IL31RA: variants seen among roughly 807,000 people sequenced by gnomAD.
The protein encoded by IL31RA is interleukin 31 receptor A.
Under a neutral mutation model 83.7 loss-of-function variants are expected in IL31RA, and 66 were observed. The observed-to-expected ratio is 0.79, with a 90% CI of 0.65 to 0.97. The LOEUF is 0.97. IL31RA is among the 50% of genes least tolerant of loss of function. The pLI is 0.00. For missense variants in IL31RA, 798 were observed against 919.4 expected (o/e 0.87, Z 1.71); for synonymous variants, 325 against 329.0 (o/e 0.99, Z 0.13).
chr5:55,877,346 T>C (rs6874621), intron 4 of IL31RA, among the ~76,000 whole-genome samples: 1,727 of 152,340 alleles, frequency 0.011, 34 homozygotes, highest in African/African-American at 0.04. Context: ...CATTAGTCTT[T>C]TAAATTCTTT....
At chr5:55,842,249 G>A in the IL31RA span, among the ~76,000 whole-genome samples, 120 of 152,126 alleles carry the variant, frequency 7.9e-4, no homozygotes, top group African/African-American at 2.7e-3. Context: ...TTAGATTAAG[G>A]GCCACCCTAA....
In IL31RA at chr5:55,899,969, C is replaced by T. The variant is rs748935257; in HGVS notation, c.906C>T (p.Tyr302=). 3 of 1,614,072 alleles carry T rather than the reference C, an allele frequency of 1.9e-6. No individual in the cohort carries two copies. The highest frequency in any genetic ancestry group is 1.7e-5 in the Admixed American group (1 of 60,010). The change falls in exon 8 of 15, where the codon TAC becomes TAT. Residue 302 remains tyrosine (Y), a synonymous_variant. Coordinates refer to ENST00000652347, the MANE Select transcript of IL31RA (RefSeq NM_139017.7). ...LEKTLGYNIW[Y]YPESNTNLTE... is the part of the protein sequence containing the mutation. ...AAACACTTGGCTACAACATATGGTA[C>T]TATCCAGAAAGCAACACTAACCTCA...
Position 55,883,112 on chromosome 5 carries a change from G to T in IL31RA, c.523G>T (p.Glu175Ter). The T allele has an allele frequency of 1.9e-6, 3 of 1,614,014 alleles. No individual in the cohort carries two copies. The highest frequency in any genetic ancestry group is 2.5e-6 in the Non-Finnish European group (3 of 1,179,904). ...GGGCATCAAACGAATGATTCAAATT[G>T]AATGGATAAAGCCTGAGTTGGCGCC... ...VLGIKRMIQI[E>*]WIKPELAPVS... Residue 175 changes from glutamate (E) to a stop codon, truncating the protein, a stop_gained, in exon 5 of 15, where the codon GAA (glutamate) becomes TAA (stop). Transcript: ENST00000652347. LOFTEE classifies it high-confidence loss of function.
At chr5:55,842,549 A>T in the IL31RA span, among the ~76,000 whole-genome samples, 1 of 152,226 alleles carries the variant, frequency 6.6e-6, no homozygotes, top group Non-Finnish European at 1.5e-5. Context: ...TTCTGCTGAA[A>T]TGTCCCTTTC....
At chr5:55,899,650 G>C (rs930780129) in intron 7 of IL31RA, among the ~76,000 whole-genome samples, 1 of 152,170 alleles carries the variant, frequency 6.6e-6, no homozygotes, top group African/African-American at 2.4e-5. Context: ...AAGGAAATAA[G>C]GGTGGCTTGT....
At chr5:55,854,080 A>C (rs940291969) in intron 1 of IL31RA, among the ~76,000 whole-genome samples, 1 of 152,242 alleles carries the variant, frequency 6.6e-6, no homozygotes, top group African/African-American at 2.4e-5. Flanking sequence ...ACTAGAGATG[A>C]GTAATACAAA....
chr5:55,841,579 C>T, the IL31RA span, among the ~76,000 whole-genome samples: 1 of 152,200 alleles, frequency 6.6e-6, no homozygotes, highest in Admixed American at 6.5e-5. Flanking sequence ...ACCCTTGCTT[C>T]TCTCTTTGCT....
In IL31RA at chr5:55,916,785, G is replaced by C. The variant is rs761958845; in HGVS notation, c.1960G>C (p.Asp654His). ...FGNVLQEIFT[D>H]EARTGQENNL... ...GAATGTTCTGCAAGAAATTTTCACA[G>C]ATGAAGCCAGAACGGGTCAGGAAAA... The change falls in exon 15 of 15, where the codon GAT becomes CAT. Residue 654 changes from aspartate (D) to histidine (H), a missense_variant. By Grantham distance (81) the Asp-to-His change is moderately conservative (BLOSUM62 -1). Coordinates refer to ENST00000652347, the MANE Select transcript of IL31RA (RefSeq NM_139017.7). 1 of 1,614,228 alleles carries C rather than the reference G, an allele frequency of 6.2e-7. No individual in the cohort carries two copies. The highest frequency in any genetic ancestry group is 8.5e-7 in the Non-Finnish European group (1 of 1,180,050).
intron 5 of IL31RA, among the ~76,000 whole-genome samples, chr5:55,886,388 C>G (rs774849237): frequency 1.3e-5 from 2 of 150,824 alleles, no homozygotes; most frequent in Non-Finnish European, 2.9e-5. Flanking sequence ...ATTCTCCTGC[C>G]TCAGCCTCCC....
At position 55,863,817 on chromosome 5, in the gene IL31RA, G is replaced by A. The variant is rs1276094; in HGVS notation, c.154+4218G>A. 8.4e-3 allele frequency among the ~76,000 whole-genome samples: 1,280 copies of A among 152,238 alleles called. 17 individuals carry two copies. Among genetic ancestry groups the A allele is most frequent in the African/African-American group, 0.029 (1,209 of 41,526 alleles). On this transcript the variant is annotated intron_variant, in intron 2 of 14. Transcript: ENST00000652347. ...TCATTGACACCTGGTGACACTTAAC[G>A]GTTCTGAAAAACAGATATTTAACTC...
In IL31RA at chr5:55,896,339, G is replaced by C. The variant is rs763882952; in HGVS notation, c.773-11G>C. 1 of 1,603,538 alleles carries C rather than the reference G, an allele frequency of 6.2e-7. No individual in the cohort carries two copies. Among genetic ancestry groups the C allele is most frequent in the Non-Finnish European group, 8.5e-7 (1 of 1,170,554 alleles). On this transcript the variant is annotated splice_polypyrimidine_tract_variant and intron_variant, in intron 6 of 14. Transcript: ENST00000652347. Reference sequence around the variant, plus strand: ...TCTCTGGGTTGAGTACCTCATTCTTGTTCCTTACAGCTCCATGTGGCCTGG... The same window carrying C: ...TCTCTGGGTTGAGTACCTCATTCTTCTTCCTTACAGCTCCATGTGGCCTGG...
rs1745078562 is a variant in IL31RA, at chr5:55,851,642, T to G, written c.63+9T>G. 6.2e-7 allele frequency: 1 copy of G among 1,613,850 alleles called. No homozygotes were observed. The highest frequency in any genetic ancestry group is 8.5e-7 in the Non-Finnish European group (1 of 1,179,826). ...AATGTCCGCAAAACATTGTGAGTAT[T>G]GATTTGGGGGGTTACAAATAATTCC... On this transcript the variant is annotated intron_variant, in intron 1 of 14. Transcript: ENST00000652347.
intron 6 of IL31RA, 74 bp from the exon 7 acceptor site, chr5:55,896,276 C>A: frequency 9.9e-7 from 1 of 1,010,266 alleles, no homozygotes; most frequent in Non-Finnish European, 1.6e-6. Flanking sequence ...TTCCCAACTG[C>A]CCAGCTAACC....
rs1031863943 is a variant in IL31RA at position 55,880,882 on chromosome 5, G to A, written c.455-2162G>A. Among the ~76,000 whole-genome samples, 3 of 152,208 alleles carry A rather than the reference G, an allele frequency of 2.0e-5. No homozygotes were observed. The South Asian group carries it at 6.2e-4, about 32-fold the overall frequency. On this transcript the variant is annotated intron_variant, in intron 4 of 14. Transcript: ENST00000652347. ...GCGGTGGAAGTTATCTGAGTTACCA[G>A]CAGCAAATCCGTATGGGTCTGCAGC...
chr5:55,907,601 T>A (rs914347266), intron 10 of IL31RA, 141 bp downstream of exon 10: 2 of 696,192 alleles, frequency 2.9e-6, no homozygotes, highest in African/African-American at 3.5e-5. Context: ...CTCTGTATGT[T>A]ATGAATTTGC....
chr5:55,908,734 T>A (rs1749321575), intron 11 of IL31RA: 3 of 1,448,118 alleles, frequency 2.1e-6, no homozygotes, highest in Non-Finnish European at 2.7e-6. Context: ...CGTGCCTGGC[T>A]TAAAGAGTGA....
At chr5:55,910,405 T>G (rs964991389) in intron 11 of IL31RA, 127 bp from the exon 12 acceptor site, 18 of 961,112 alleles carry the variant, frequency 1.9e-5, no homozygotes, top group Non-Finnish European at 2.8e-5. Flanking sequence ...AGGACATGAA[T>G]AGGGGTCAGA....
rs1034245348 is a variant in IL31RA at position 55,922,068 on chromosome 5, G to A, written c.*4948G>A. Reference sequence around the variant, plus strand: ...TTATGTTGTGGCGGGGGGGGGGGGCGGTTCCTGAAGAGTGGAGTGTGACTA... The same window carrying A: ...TTATGTTGTGGCGGGGGGGGGGGGCAGTTCCTGAAGAGTGGAGTGTGACTA... On this transcript the variant is annotated 3_prime_UTR_variant, in exon 15 of 15. Coordinates refer to ENST00000652347, the MANE Select transcript of IL31RA (RefSeq NM_139017.7). 3.8e-5 allele frequency among the ~76,000 whole-genome samples: 5 copies of A among 132,290 alleles called. No individual in the cohort carries two copies. Among genetic ancestry groups the A allele is most frequent in the South Asian group, 5.1e-4 (2 of 3,916 alleles). 86.8% of individuals were successfully genotyped at this position (132,290 alleles called of 152,430 possible).
At chr5:55,840,076 A>T in the IL31RA span, 1 of 358,224 alleles carries the variant, frequency 2.8e-6, no homozygotes, top group South Asian at 3.1e-5. Flanking sequence ...TGACTTCGGC[A>T]GGGCTAAAAA....
Sources: gnomAD v4.1 joint callset for allele counts (sites outside exome capture counted in the v4.1 genomes callset) on GRCh38, gnomAD v4.1.1 for gene constraint, MANE v1.5 for transcripts, NCBI Gene and HGNC (gene_info 2026-07-23, HGNC 2026-07-21) for gene names.